Variants in EXOC4 observed in about 807,000 individuals in gnomAD.
The protein encoded by EXOC4 is exocyst complex component 4.
A neutral mutation model predicts 107.2 loss-of-function variants in EXOC4; 71 were observed. That is an observed-to-expected ratio of 0.66 (90% CI 0.55 to 0.81). The LOEUF is 0.81. Among genes scored for constraint, EXOC4 ranks in the 30% least tolerant of loss-of-function variants. The probability of loss-of-function intolerance (pLI) is 0.00; values close to 1 mark genes in which losing one functional copy is unlikely to be tolerated. For synonymous variants in EXOC4, 456 were observed against 441.2 expected (o/e 1.03, Z -0.42); for missense variants, 1,108 against 1,189.6 (o/e 0.93, Z 1.01).
chr7:133,988,660 C>T (rs1327339193), intron 14 of EXOC4, among the ~76,000 whole-genome samples: 2 of 151,970 alleles, frequency 1.3e-5, no homozygotes, highest in Non-Finnish European at 2.9e-5. Context: ...ACTTTCTGAG[C>T]CAGAGAAGGC....
At chr7:133,793,907 CTG>C (rs1477294386) in intron 10 of EXOC4, among the ~76,000 whole-genome samples, 5 of 152,106 alleles carry the variant, frequency 3.3e-5, no homozygotes, top group African/African-American at 1.2e-4. Flanking sequence ...TTTATCTTGA[CTG>C]TATTTATCAG....
chr7:133,907,601 G>A (rs929812832), intron 12 of EXOC4, among the ~76,000 whole-genome samples: 1 of 152,174 alleles, frequency 6.6e-6, no homozygotes, highest in Non-Finnish European at 1.5e-5. Flanking sequence ...ACTTTGGGTG[G>A]CCTAGGTGGG....
At chr7:133,636,246 A>G (rs1015435429) in intron 10 of EXOC4, among the ~76,000 whole-genome samples, 23 of 152,012 alleles carry the variant, frequency 1.5e-4, no homozygotes, top group Non-Finnish European at 2.8e-4. Context: ...TCAGAAATTT[A>G]CTCTTTAAGA....
chr7:133,805,203 C>G (rs1797045991), intron 10 of EXOC4, among the ~76,000 whole-genome samples: 2 of 152,106 alleles, frequency 1.3e-5, no homozygotes, highest in Non-Finnish European at 2.9e-5. Context: ...TCTGGGAAAA[C>G]TTTGTGAGTG....
chr7:133,850,310 A>G (rs558177029), intron 11 of EXOC4, among the ~76,000 whole-genome samples: 23 of 152,326 alleles, frequency 1.5e-4, no homozygotes, highest in African/African-American at 4.6e-4. Flanking sequence ...AGTATAGGCT[A>G]CCATTTCCCA....
intron 11 of EXOC4, among the ~76,000 whole-genome samples, chr7:133,884,713 T>C (rs551267060): frequency 6.6e-6 from 1 of 152,234 alleles, no homozygotes; most frequent in African/African-American, 2.4e-5. Flanking sequence ...GCAGCATCTC[T>C]GAACTGTCCT....
chr7:134,046,838 A>T (rs1350657069), intron 17 of EXOC4, among the ~76,000 whole-genome samples: 1 of 152,146 alleles, frequency 6.6e-6, no homozygotes, highest in East Asian at 1.9e-4. Context: ...ATTACAAAAA[A>T]CAGTTCAGGG....
chr7:133,303,357 T>G (rs764257100), intron 3 of EXOC4, among the ~76,000 whole-genome samples: 3 of 152,064 alleles, frequency 2.0e-5, no homozygotes, highest in Middle Eastern at 3.2e-3. Context: ...TCGCTTGAAC[T>G]TAGGAGGTGG....
chr7:133,259,125 T>C (rs1795083721), intron 1 of EXOC4, among the ~76,000 whole-genome samples: 1 of 152,156 alleles, frequency 6.6e-6, no homozygotes, highest in African/African-American at 2.4e-5. Context: ...TGTATATACA[T>C]TTTTTAAAAT....
chr7:133,592,416 C>G (rs1801570780), intron 9 of EXOC4, among the ~76,000 whole-genome samples: 1 of 151,598 alleles, frequency 6.6e-6, no homozygotes, highest in Non-Finnish European at 1.5e-5. Context: ...AAAGATCTAC[C>G]CAGCAACTAA....
chr7:133,629,070 CTT>C (rs1554481283), intron 9 of EXOC4, among the ~76,000 whole-genome samples: 1 of 152,098 alleles, frequency 6.6e-6, no homozygotes, highest in Non-Finnish European at 1.5e-5. Context: ...CCTTAACAAA[CTT>C]ATTTTTCTTA....
intron 17 of EXOC4, among the ~76,000 whole-genome samples, chr7:134,048,702 G>A (rs1360725700): frequency 6.6e-6 from 1 of 152,088 alleles, no homozygotes; most frequent in African/African-American, 2.4e-5. Flanking sequence ...AATGGCCCCA[G>A]GTCACATTTG....
intron 9 of EXOC4, among the ~76,000 whole-genome samples, chr7:133,492,625 A>G (rs1265351503): frequency 1.3e-5 from 2 of 151,530 alleles, no homozygotes; most frequent in Non-Finnish European, 2.9e-5. Context: ...TCCTCTTTTT[A>G]TTTTTTAATT....
chr7:133,634,516 G>A (rs1802661356), intron 10 of EXOC4, among the ~76,000 whole-genome samples: 1 of 151,874 alleles, frequency 6.6e-6, no homozygotes, highest in African/African-American at 2.4e-5. Context: ...AATAGACGGA[G>A]TCTCACTCTG....
At chr7:133,628,165 G>C (rs564311968) in intron 9 of EXOC4, among the ~76,000 whole-genome samples, 1 of 152,270 alleles carries the variant, frequency 6.6e-6, no homozygotes, top group African/African-American at 2.4e-5. Context: ...TTTCCTGCTG[G>C]GGTTTTGAAA....
intron 10 of EXOC4, among the ~76,000 whole-genome samples, chr7:133,657,577 G>T (rs1035735896): frequency 6.6e-6 from 1 of 152,152 alleles, no homozygotes; most frequent in Admixed American, 6.6e-5. Flanking sequence ...GTACTGTTAT[G>T]TTAGAAATCA....
chr7:133,561,957 A>G (rs1800812668), intron 9 of EXOC4, among the ~76,000 whole-genome samples: 1 of 152,348 alleles, frequency 6.6e-6, no homozygotes, highest in South Asian at 2.1e-4. Context: ...AAATGTATGC[A>G]TAGCTCACAT....
At chr7:133,445,390 T>A (rs1798195264) in intron 7 of EXOC4, among the ~76,000 whole-genome samples, 1 of 152,184 alleles carries the variant, frequency 6.6e-6, no homozygotes, top group South Asian at 2.1e-4. Flanking sequence ...TGCAGTTGTG[T>A]AGGGTAGGAC....
At chr7:133,660,266 C>T (rs1358031450) in intron 10 of EXOC4, among the ~76,000 whole-genome samples, 1 of 151,772 alleles carries the variant, frequency 6.6e-6, no homozygotes, top group Non-Finnish European at 1.5e-5. Context: ...GATCAATAGA[C>T]TGCAGAATGA....
Sources: gnomAD v4.1 joint callset for allele counts (sites outside exome capture counted in the v4.1 genomes callset) on GRCh38, gnomAD v4.1.1 for gene constraint, MANE v1.5 for transcripts, NCBI Gene and HGNC (gene_info 2026-07-23, HGNC 2026-07-21) for gene names.